DOCK2: variants seen among roughly 807,000 people sequenced by gnomAD.
DOCK2 encodes the protein dedicator of cytokinesis protein 2.
A neutral mutation model predicts 248.9 loss-of-function variants in DOCK2; 87 were observed. That is an observed-to-expected ratio of 0.35 (90% CI 0.29 to 0.42). The LOEUF is 0.42. Among genes scored for constraint, DOCK2 ranks in the 10% least tolerant of loss-of-function variants. The probability of loss-of-function intolerance (pLI) is 1.00; values close to 1 mark genes in which losing one functional copy is unlikely to be tolerated. For synonymous variants in DOCK2, 805 were observed against 821.6 expected, an observed-to-expected ratio of 0.98 and a Z score of 0.35; for missense variants, 1,747 against 2,300.2, an observed-to-expected ratio of 0.76 and a Z score of 4.92.
intron 30 of DOCK2, among the ~76,000 whole-genome samples, chr5:170,002,393 G>A (rs1187697860): frequency 6.6e-6 from 1 of 152,160 alleles, no homozygotes; most frequent in Non-Finnish European, 1.5e-5. Flanking sequence ...ATATTGGTAA[G>A]AGAAAAAAGC....
chr5:169,733,897 G>A (rs901906999), intron 22 of DOCK2, among the ~76,000 whole-genome samples: 5 of 152,084 alleles, frequency 3.3e-5, no homozygotes, highest in African/African-American at 1.2e-4. Context: ...CTAAAAGTTA[G>A]TTTTCCTGGA....
At chr5:170,054,072 C>G (rs1757021352) in intron 41 of DOCK2, among the ~76,000 whole-genome samples, 1 of 152,094 alleles carries the variant, frequency 6.6e-6, no homozygotes, top group Non-Finnish European at 1.5e-5. Context: ...TGACATCTGT[C>G]CAAAGGGTTC....
intron 27 of DOCK2, among the ~76,000 whole-genome samples, chr5:169,898,528 AAACAAC>A (rs36216194): frequency 0.042 from 6,286 of 151,214 alleles, 201 homozygotes; most frequent in African/African-American, 0.086. Context: ...CACACACACA[AAACAAC>A]AACAACAACA....
At chr5:169,842,615 C>T (rs781547915) in intron 27 of DOCK2, among the ~76,000 whole-genome samples, 13 of 152,152 alleles carry the variant, frequency 8.5e-5, no homozygotes, top group Non-Finnish European at 1.6e-4. Context: ...TTTATAACCT[C>T]CTTTATCTTT....
intron 26 of DOCK2, among the ~76,000 whole-genome samples, chr5:169,829,391 C>T (rs747321404): frequency 4.6e-5 from 7 of 152,108 alleles, no homozygotes; most frequent in East Asian, 1.9e-4. Context: ...GGAATCTTGG[C>T]GTTTTCATTA....
In DOCK2 at chr5:169,983,185, GGGGGTGAGGAAGAACTCTT is replaced by G; in HGVS notation, c.2898+20_2898+38del. The G allele has an allele frequency of 6.2e-7, 1 of 1,613,122 alleles. No homozygotes were observed. The stretch of plus-strand genomic sequence containing the variant: ...ACTTGTGGTGAGTCTGCAGGATGCT[GGGGGTGAGGAAGAACTCTT>G]CCATCTCTGGAACATGGCTTCTGTC... On this transcript the variant is annotated intron_variant, in intron 28 of 51. Coordinates refer to ENST00000520908, the MANE Select transcript of DOCK2 (RefSeq NM_004946.3).
chr5:169,928,074 G>A (rs1775562102), intron 27 of DOCK2, among the ~76,000 whole-genome samples: 2 of 152,302 alleles, frequency 1.3e-5, no homozygotes, highest in South Asian at 4.1e-4. Context: ...CAGGGAGAAA[G>A]TCCACAGAAG....
At chr5:169,682,136 A>G (rs9313467) in intron 7 of DOCK2, among the ~76,000 whole-genome samples, 92,068 of 152,194 alleles carry the variant, frequency 0.6, 28,182 homozygotes, top group South Asian at 0.71. Flanking sequence ...AGAAGGGGAA[A>G]AGAAGAAAGG....
chr5:169,864,603 T>C (rs770303537), intron 27 of DOCK2: 2 of 661,582 alleles, frequency 3.0e-6, no homozygotes, highest in East Asian at 2.9e-5. Flanking sequence ...CTCTTTGACC[T>C]TGGGAAAGTG....
intron 22 of DOCK2, among the ~76,000 whole-genome samples, chr5:169,728,640 C>T (rs1313391133): frequency 6.6e-6 from 1 of 152,164 alleles, no homozygotes; most frequent in Non-Finnish European, 1.5e-5. Flanking sequence ...TTTCCCAGAG[C>T]TTAGCATCTT....
At chr5:170,068,790 G>A (rs1306952278) in intron 45 of DOCK2, among the ~76,000 whole-genome samples, 4 of 152,156 alleles carry the variant, frequency 2.6e-5, no homozygotes, top group East Asian at 1.9e-4. Flanking sequence ...CCTGACACAC[G>A]GGTCCTCACC....
At chr5:169,989,347 C>T (rs897334915) in intron 29 of DOCK2, among the ~76,000 whole-genome samples, 6 of 152,114 alleles carry the variant, frequency 3.9e-5, no homozygotes, top group African/African-American at 1.2e-4. Context: ...AAGATTATGC[C>T]TAGAAACCTC....
intron 30 of DOCK2, among the ~76,000 whole-genome samples, chr5:169,999,278 T>C (rs1251345865): frequency 6.6e-6 from 1 of 152,218 alleles, no homozygotes; most frequent in Admixed American, 6.5e-5. Flanking sequence ...TTCATCTCTA[T>C]GTGCCTCAGT....
chr5:169,889,225 T>G (rs1446482944), intron 27 of DOCK2, among the ~76,000 whole-genome samples: 1 of 152,234 alleles, frequency 6.6e-6, no homozygotes, highest in Admixed American at 6.5e-5. Context: ...TAATTAAGAG[T>G]GAAGGAATTA....
chr5:169,852,200 C>T (rs960572315), intron 27 of DOCK2, among the ~76,000 whole-genome samples: 4 of 152,132 alleles, frequency 2.6e-5, no homozygotes, highest in African/African-American at 4.8e-5. Flanking sequence ...CCAAATATCT[C>T]GGTGCCTTTC....
intron 6 of DOCK2, among the ~76,000 whole-genome samples, chr5:169,675,381 A>G (rs992313405): frequency 2.0e-5 from 3 of 152,140 alleles, no homozygotes; most frequent in Admixed American, 6.5e-5. Flanking sequence ...TACCACAAAC[A>G]TGTATTGAGG....
At chr5:169,942,453 C>T (rs1438258162) in intron 27 of DOCK2, among the ~76,000 whole-genome samples, 2 of 152,174 alleles carry the variant, frequency 1.3e-5, no homozygotes, top group Non-Finnish European at 2.9e-5. Flanking sequence ...CGTCCATGAG[C>T]CACACAGATG....
intron 41 of DOCK2, among the ~76,000 whole-genome samples, chr5:170,051,922 A>G (rs1756931422): frequency 6.6e-6 from 1 of 152,230 alleles, no homozygotes. Flanking sequence ...AGGGTGCCGT[A>G]TAAGTGGGTG....
chr5:169,908,958 C>T (rs261003), intron 27 of DOCK2, among the ~76,000 whole-genome samples: 3 of 151,910 alleles, frequency 2.0e-5, no homozygotes, highest in African/African-American at 7.3e-5. Context: ...GGAATTATGT[C>T]CAAGGTCACA....
Sources: gnomAD v4.1 joint callset for allele counts (sites outside exome capture counted in the v4.1 genomes callset) on GRCh38, gnomAD v4.1.1 for gene constraint, MANE v1.5 for transcripts, NCBI Gene and HGNC (gene_info 2026-07-23, HGNC 2026-07-21) for gene names.